Variants in ELOVL4 observed in about 807,000 individuals in gnomAD.
The protein encoded by ELOVL4 is very long chain fatty acid elongase 4.
In ELOVL4, 18 loss-of-function variants were observed where a neutral mutation model predicts 42.1. The observed-to-expected ratio is 0.43, with a 90% CI of 0.30 to 0.63. The LOEUF (loss-of-function observed/expected upper bound fraction) is 0.63, where lower values mean the gene tolerates loss of function less well. Among genes scored for constraint, ELOVL4 ranks in the 30% least tolerant of loss-of-function variants. The pLI, the probability that ELOVL4 is intolerant of heterozygous loss-of-function variation, is 0.15. For missense variants in ELOVL4, 299 were observed against 376.2 expected (o/e 0.79, Z 1.70); for synonymous variants, 117 against 127.0 (o/e 0.92, Z 0.53).
In ELOVL4 at chr6:79,926,327, A is replaced by C; in HGVS notation, c.155T>G (p.Ile52Arg). ...CACAAACAGGAGATAAAGAGTGCTTATACTTAGTGTAGGCCAAGGAGACTG... is the reference window on the plus strand; with the variant it reads ...CACAAACAGGAGATAAAGAGTGCTTCTACTTAGTGTAGGCCAAGGAGACTG... ...LMQSPWPTLS[I>R]STLYLLFVWL... Residue 52 changes from isoleucine (I) to arginine (R), a missense_variant, in exon 2 of 6, where the codon ATA becomes AGA. Transcript: ENST00000369816. 1 of 1,614,088 alleles carries C rather than the reference A, an allele frequency of 6.2e-7. No individual in the cohort carries two copies. Among genetic ancestry groups the C allele is most frequent in the African/African-American group, 1.3e-5 (1 of 75,058 alleles).
intron 1 of ELOVL4, among the ~76,000 whole-genome samples, chr6:79,937,361 G>A (rs1774562121): frequency 6.6e-6 from 1 of 152,088 alleles, no homozygotes; most frequent in African/African-American, 2.4e-5. Flanking sequence ...CCTAGAGCAA[G>A]CAAAAAATAA....
At chr6:79,933,224 G>C (rs1464224805) in intron 1 of ELOVL4, among the ~76,000 whole-genome samples, 1 of 146,924 alleles carries the variant, frequency 6.8e-6, no homozygotes, top group East Asian at 1.9e-4. Flanking sequence ...GATTGTTTTT[G>C]TTTGTTTGTT....
chr6:79,936,751 T>C (rs1774550451), intron 1 of ELOVL4, among the ~76,000 whole-genome samples: 2 of 152,140 alleles, frequency 1.3e-5, no homozygotes. Flanking sequence ...GCCATGTCTA[T>C]CAGTGAGGTG....
At chr6:79,921,869 G>A (rs146327666) in intron 3 of ELOVL4, 73 bp from the exon 4 acceptor site, 1 of 1,427,908 alleles carries the variant, frequency 7.0e-7, no homozygotes, top group Middle Eastern at 1.9e-4. Context: ...TTGTAAGTAA[G>A]TCCAAAATAA....
intron 1 of ELOVL4, among the ~76,000 whole-genome samples, chr6:79,936,970 T>C (rs556909186): frequency 6.6e-6 from 1 of 152,156 alleles, no homozygotes; most frequent in South Asian, 2.1e-4. Flanking sequence ...GGATGGAAGG[T>C]TTGAGTTTGG....
At chr6:79,921,902 G>T in intron 3 of ELOVL4, 106 bp from the exon 4 acceptor site, 1 of 1,087,134 alleles carries the variant, frequency 9.2e-7, no homozygotes, top group Non-Finnish European at 1.4e-6. Flanking sequence ...TGCACAAAAT[G>T]TACAAGGCAT....
chr6:79,925,181 G>T, intron 2 of ELOVL4, 149 bp from the exon 3 acceptor site: 1 of 614,222 alleles, frequency 1.6e-6, no homozygotes, highest in Non-Finnish European at 2.9e-6. Context: ...CATGCATTCC[G>T]ATTGCTAGAA....
intron 3 of ELOVL4, among the ~76,000 whole-genome samples, chr6:79,922,193 A>G (rs1019727468): frequency 1.4e-4 from 22 of 152,188 alleles, no homozygotes; most frequent in Non-Finnish European, 2.9e-4. Context: ...ACTACCTCAG[A>G]AAAACTTGCA....
In ELOVL4 at chr6:79,914,947, G is replaced by T. The variant is rs1257638484; in HGVS notation, c.*1661C>A. The stretch of plus-strand genomic sequence containing the variant: ...ATTACACACTGAGCAACAAAACAAA[G>T]GTGTTGAATCCTCTTAGATCAAACT... On this transcript the variant is annotated 3_prime_UTR_variant, in exon 6 of 6. Transcript: ENST00000369816. 6.6e-6 allele frequency: 1 copy of T among 152,436 alleles called. No individual in the cohort carries two copies. The highest frequency in any genetic ancestry group is 1.5e-5 in the Non-Finnish European group (1 of 67,966). The allele number at this position is 152,436 out of a possible 1,614,324, so 9.4% of individuals were successfully genotyped here.
intron 3 of ELOVL4, among the ~76,000 whole-genome samples, chr6:79,924,086 G>A (rs1227630537): frequency 6.6e-6 from 1 of 152,024 alleles, no homozygotes; most frequent in Non-Finnish European, 1.5e-5. Flanking sequence ...AATAGAATAA[G>A]GTAATCTGTT....
At chr6:79,940,157 T>C (rs1486472424) in intron 1 of ELOVL4, among the ~76,000 whole-genome samples, 1 of 152,236 alleles carries the variant, frequency 6.6e-6, no homozygotes, top group Admixed American at 6.5e-5. Flanking sequence ...AAAGCTTGTT[T>C]CTTGGAATTC....
intron 1 of ELOVL4, among the ~76,000 whole-genome samples, chr6:79,929,019 TGAG>T (rs1381745782): frequency 6.6e-6 from 1 of 152,036 alleles, no homozygotes; most frequent in Non-Finnish European, 1.5e-5. Flanking sequence ...GCTGACTGGC[TGAG>T]TTCTAACACT....
intron 1 of ELOVL4, among the ~76,000 whole-genome samples, chr6:79,939,401 T>G (rs990191797): frequency 3.9e-5 from 6 of 152,106 alleles, no homozygotes; most frequent in African/African-American, 1.4e-4. Flanking sequence ...TTTTCTATCT[T>G]GAAAAACTGA....
chr6:79,934,665 A>G (rs1271257622), intron 1 of ELOVL4, among the ~76,000 whole-genome samples: 1 of 152,174 alleles, frequency 6.6e-6, no homozygotes, highest in African/African-American at 2.4e-5. Context: ...CTCTCAAATC[A>G]GACTTACCAG....
chr6:79,930,824 G>C (rs1774430524), intron 1 of ELOVL4, among the ~76,000 whole-genome samples: 1 of 151,930 alleles, frequency 6.6e-6, no homozygotes, highest in African/African-American at 2.4e-5. Flanking sequence ...CCTCTCATTT[G>C]GGCTATGTAT....
chr6:79,917,145 G>A (rs1300170057), intron 5 of ELOVL4, among the ~76,000 whole-genome samples: 1 of 151,842 alleles, frequency 6.6e-6, no homozygotes, highest in Non-Finnish European at 1.5e-5. Flanking sequence ...TTTTTAAGGA[G>A]AATTATACCT....
intron 5 of ELOVL4, among the ~76,000 whole-genome samples, chr6:79,917,802 CAA>C (rs1280748409): frequency 1.3e-5 from 2 of 151,918 alleles, no homozygotes; most frequent in Admixed American, 6.6e-5. Context: ...ACTTGGGCAA[CAA>C]GAGCAAAACT....
At chr6:79,929,830 T>C (rs1043363875) in intron 1 of ELOVL4, among the ~76,000 whole-genome samples, 16 of 152,210 alleles carry the variant, frequency 1.1e-4, no homozygotes, top group Non-Finnish European at 2.2e-4. Context: ...CACTGTCCAG[T>C]GACCTTCTTT....
intron 2 of ELOVL4, 137 bp downstream of exon 2, chr6:79,926,057 G>GA: frequency 2.4e-6 from 2 of 834,728 alleles, no homozygotes; most frequent in Non-Finnish European, 3.7e-6. Flanking sequence ...ATTCAAAAGT[G>GA]AAAAATGTCA....
Sources: gnomAD v4.1 joint callset for allele counts (sites outside exome capture counted in the v4.1 genomes callset) on GRCh38, gnomAD v4.1.1 for gene constraint, MANE v1.5 for transcripts, NCBI Gene and HGNC (gene_info 2026-07-23, HGNC 2026-07-21) for gene names.